NUP214: variants seen among roughly 807,000 people sequenced by gnomAD.
NUP214 encodes nuclear pore complex protein Nup214.
Under a neutral mutation model 196.2 loss-of-function variants are expected in NUP214, and 79 were observed. That is an observed-to-expected ratio of 0.40 (90% CI 0.34 to 0.49). The LOEUF is 0.49. NUP214 is among the 20% of genes least tolerant of loss of function. The probability of loss-of-function intolerance (pLI) is 0.58; values close to 1 mark genes in which losing one functional copy is unlikely to be tolerated. For synonymous variants in NUP214, 1,020 were observed against 990.5 expected (o/e 1.03, Z -0.56); for missense variants, 2,468 against 2,539.0 (o/e 0.97, Z 0.60).
intron 30 of NUP214, among the ~76,000 whole-genome samples, chr9:131,206,950 T>C (rs989340639): frequency 6.6e-6 from 1 of 152,254 alleles, no homozygotes; most frequent in African/African-American, 2.4e-5. Context: ...GTTTTTTCTA[T>C]GATGGCAGGG....
At chr9:131,202,238 GTCCCCTGCCTGT>G (rs1156616410) in intron 30 of NUP214, among the ~76,000 whole-genome samples, 1 of 152,162 alleles carries the variant, frequency 6.6e-6, no homozygotes, top group Non-Finnish European at 1.5e-5. Context: ...ATTTCTATCA[GTCCCCTGCCTGT>G]TAGGCCAAGG....
At chr9:131,220,444 A>G (rs1466103646) in intron 31 of NUP214, among the ~76,000 whole-genome samples, 2 of 152,238 alleles carry the variant, frequency 1.3e-5, no homozygotes, top group Non-Finnish European at 1.5e-5. Flanking sequence ...GAGAGACTGT[A>G]AATGAGAGTG....
At chr9:131,134,845 G>A in intron 7 of NUP214, 53 bp from the exon 8 acceptor site, 1 of 1,081,064 alleles carries the variant, frequency 9.3e-7, no homozygotes, top group Non-Finnish European at 1.4e-6. Flanking sequence ...TTTGCTGTGG[G>A]ATCTGAGAAA....
At position 131,189,124 on chromosome 9, in the gene NUP214, A is replaced by C; in HGVS notation, c.3567A>C (p.Lys1189Asn). The stretch of plus-strand genomic sequence containing the variant: ...CCGGTCAGTTATCATCTGGTGACAA[A>C]GCTTCAGGTCAGTTTGCATTTTTGT... Reference protein sequence around the residue: ...PASGQLSSGDKASGTAKIETA... With the variant: ...PASGQLSSGDNASGTAKIETA... The change falls in exon 26 of 36, where the codon AAA becomes AAC. Residue 1189 changes from lysine to asparagine, a missense_variant. Physicochemically the swap from Lys to Asn is moderately conservative, Grantham distance 94. Around this residue, in one of 5 missense-constraint regions of NUP214, gnomAD observed 1,801 missense variants for 1,779.4 expected, o/e 1.01. Coordinates refer to ENST00000359428, the MANE Select transcript of NUP214 (RefSeq NM_005085.4). The C allele has an allele frequency of 6.2e-7, 1 of 1,613,954 alleles. No individual in the cohort carries two copies. The highest frequency in any genetic ancestry group is 8.5e-7 in the Non-Finnish European group (1 of 1,179,850).
chr9:131,167,946 G>A (rs1832834705), intron 21 of NUP214, among the ~76,000 whole-genome samples: 1 of 152,168 alleles, frequency 6.6e-6, no homozygotes, highest in Non-Finnish European at 1.5e-5. Context: ...GTGTAGTGGT[G>A]CAGTCATAGC....
Position 131,139,355 on chromosome 9 carries a change from C to T in NUP214, c.1080C>T (p.Ser360=). Reference sequence around the variant, plus strand: ...CTGTGACAGACAAGAGTGATGACTCCTTGCCCATGGGAGTTGTCGTAGACT... The same window carrying T: ...CTGTGACAGACAAGAGTGATGACTCTTTGCCCATGGGAGTTGTCGTAGACT... The part of the protein sequence containing the change: ...ELPVTDKSDD[S]LPMGVVVDYT... The change falls in exon 10 of 36, where the codon TCC becomes TCT. Residue 360 remains serine (S), a synonymous_variant. Transcript: ENST00000359428. 1 of 1,603,794 alleles carries T rather than the reference C, an allele frequency of 6.2e-7. No homozygotes were observed. Among genetic ancestry groups the T allele is most frequent in the Non-Finnish European group, 8.5e-7 (1 of 1,176,140 alleles).
intron 33 of NUP214, chr9:131,228,535 A>T: frequency 2.1e-6 from 1 of 476,138 alleles, no homozygotes; most frequent in Non-Finnish European, 3.6e-6. Flanking sequence ...TTCATGGTGG[A>T]CCTCAGCTGT....
chr9:131,167,295 A>C (rs1832811201), intron 21 of NUP214: 2 of 152,208 alleles, frequency 1.3e-5, no homozygotes, highest in South Asian at 4.1e-4. Context: ...CAGGCTTGTA[A>C]GATCCATCCG....
chr9:131,187,026 A>C (rs1833466953), intron 24 of NUP214: 2 of 425,144 alleles, frequency 4.7e-6, no homozygotes, highest in Non-Finnish European at 4.3e-6. Flanking sequence ...TCTAGTTCTG[A>C]ATGGTTACTA....
intron 17 of NUP214, among the ~76,000 whole-genome samples, chr9:131,158,619 T>G (rs1832530741): frequency 6.6e-6 from 1 of 152,224 alleles, no homozygotes; most frequent in Non-Finnish European, 1.5e-5. Context: ...TTAGAATTAC[T>G]TTCAGCACCG....
Position 131,232,429 on chromosome 9 carries a change from C to G in NUP214, c.6239+121C>G, listed in dbSNP as rs11790462. The stretch of plus-strand genomic sequence containing the variant: ...TTTTTTCCTGTTTTTAGAGTTTGTC[C>G]TGGAAGTGTGGGGGTTCAGCAGCAG... On this transcript the variant is annotated intron_variant, in intron 35 of 35. Transcript: ENST00000359428. This position sits in a 1 kb window ranked among gnomAD's most constrained non-coding sequence, Gnocchi z 5.1. 1.9e-6 allele frequency: 2 copies of G among 1,059,102 alleles called. No individual in the cohort carries two copies. Among genetic ancestry groups the G allele is most frequent in the South Asian group, 1.3e-5 (1 of 77,312 alleles). 65.6% of individuals were successfully genotyped at this position (1,059,102 alleles called of 1,614,324 possible). A position where few individuals can be genotyped will look rare whatever the true frequency, so the allele number is the denominator to read the frequency against.
At chr9:131,214,170 C>T (rs1372176412) in intron 30 of NUP214, among the ~76,000 whole-genome samples, 1 of 152,014 alleles carries the variant, frequency 6.6e-6, no homozygotes, top group African/African-American at 2.4e-5. Flanking sequence ...CAGAAGTGGC[C>T]CACTGGAGGT....
chr9:131,205,126 A>G (rs1218628455), intron 30 of NUP214, among the ~76,000 whole-genome samples: 18 of 152,208 alleles, frequency 1.2e-4, no homozygotes, highest in Admixed American at 1.2e-3. Flanking sequence ...ATCTCAAAAA[A>G]CAAAAGAAAT....
chr9:131,127,575 GAATTGCCC>G lies in NUP214; in HGVS notation c.100_107del (p.Leu34GlyfsTer29). Reference sequence around the variant, plus strand: ...GGTGAGAATCTTTGACTCCCCTGAGGAATTGCCCAAGGAACGCTCGAGTCTGCTTGCTG... The same window carrying G: ...GGTGAGAATCTTTGACTCCCCTGAGGAAGGAACGCTCGAGTCTGCTTGCTG... On this transcript the variant is annotated frameshift_variant, in exon 2 of 36. Coordinates refer to ENST00000359428, the MANE Select transcript of NUP214 (RefSeq NM_005085.4). LOFTEE classifies it high-confidence loss of function. The G allele has an allele frequency of 6.2e-7, 1 of 1,614,054 alleles. No individual in the cohort carries two copies. Among genetic ancestry groups the G allele is most frequent in the Non-Finnish European group, 8.5e-7 (1 of 1,179,978 alleles).
chr9:131,176,974 A>G (rs1833138507), intron 23 of NUP214, among the ~76,000 whole-genome samples: 1 of 152,174 alleles, frequency 6.6e-6, no homozygotes, highest in South Asian at 2.1e-4. Context: ...AGACACCCCC[A>G]CAACAAAGGG....
intron 29 of NUP214, among the ~76,000 whole-genome samples, chr9:131,200,706 C>A (rs1423488849): frequency 1.3e-5 from 2 of 152,094 alleles, no homozygotes; most frequent in African/African-American, 4.8e-5. Flanking sequence ...GAGACTCCAT[C>A]TCCATTAAAA....
rs764597415 is a variant in NUP214, at chr9:131,163,951, A to G, written c.2805A>G (p.Val935=). The change falls in exon 20 of 36, where the codon GTA becomes GTG. Residue 935 remains valine (V), a synonymous_variant. Coordinates refer to ENST00000359428, the MANE Select transcript of NUP214 (RefSeq NM_005085.4). ...CTCACACCAAATCCTTGCCCAAAGT[A>G]CCAGGTAATTGCATCCTTCCCAGTC... The part of the protein sequence containing the change: ...IESHTKSLPK[V]PAKLSPMKQA... The G allele has an allele frequency of 9.9e-6, 16 of 1,614,076 alleles. No homozygotes were observed. The East Asian group carries it at 3.3e-4, about 34-fold the overall frequency.
intron 7 of NUP214, chr9:131,133,650 G>A (rs1831628394): frequency 6.5e-6 from 1 of 152,686 alleles, no homozygotes; most frequent in Non-Finnish European, 1.5e-5. Flanking sequence ...GCAACTTCAG[G>A]TATAAGGTTT....
At chr9:131,176,864 C>A (rs1291551896) in intron 23 of NUP214, among the ~76,000 whole-genome samples, 2 of 152,072 alleles carry the variant, frequency 1.3e-5, no homozygotes, top group Admixed American at 1.3e-4. Context: ...AGGCTGCCCC[C>A]ACTTCCCTGT....
Sources: gnomAD v4.1 joint callset for allele counts (sites outside exome capture counted in the v4.1 genomes callset) on GRCh38, gnomAD v4.1.1 for gene constraint, gnomAD v4.1.1 regional missense constraint, Gnocchi (gnomAD v3.1) non-coding constraint, MANE v1.5 for transcripts, NCBI Gene and HGNC (gene_info 2026-07-23, HGNC 2026-07-21) for gene names.